FGD2: variants seen among roughly 807,000 people sequenced by gnomAD.
The protein encoded by FGD2 is FYVE, RhoGEF and PH domain-containing protein 2.
Under a neutral mutation model 75.9 loss-of-function variants are expected in FGD2, and 52 were observed. That is an observed-to-expected ratio of 0.69 (90% confidence interval 0.55 to 0.86). The LOEUF is 0.86. Among genes scored for constraint, FGD2 ranks in the 40% least tolerant of loss-of-function variants. The pLI, the probability that FGD2 is intolerant of heterozygous loss-of-function variation, is 0.00. For missense variants in FGD2, 790 were observed against 872.0 expected (o/e 0.91, Z 1.18); for synonymous variants, 347 against 348.6 (o/e 1.00, Z 0.05).
In FGD2 at chr6:37,015,839, C is replaced by T. The variant is rs750064863; in HGVS notation, c.1101C>T (p.Arg367=). Residue 367 remains arginine (R), a synonymous_variant, in exon 9 of 16, where the codon CGC becomes CGT. Coordinates refer to ENST00000274963, the MANE Select transcript of FGD2 (RefSeq NM_173558.4). ...GCGCCCAGTTCCAGGTGAGGACCCG[C>T]ATCGATGTGGCCGGGATGAAGGTAA... is the stretch of plus-strand genomic sequence containing the variant. ...QVGAQFQVRT[R]IDVAGMKVRE... 1.2e-5 allele frequency: 19 copies of T among 1,588,742 alleles called. No homozygotes were observed. The East Asian group carries it at 3.0e-4, about 25-fold the overall frequency.
Position 37,008,733 on chromosome 6 carries a change from C to T in FGD2, c.69-101C>T, listed in dbSNP as rs1764864408. ...AGCCAGGCACCCAGGGGCCCCTGCA[C>T]TGGGGATTTGCACCAGGCAACCCAA... On this transcript the variant is annotated intron_variant, in intron 1 of 15. Coordinates refer to ENST00000274963, the MANE Select transcript of FGD2 (RefSeq NM_173558.4). 7.7e-6 allele frequency: 9 copies of T among 1,176,326 alleles called. 1 individual carries two copies. In the South Asian group the frequency reaches 1.4e-4, roughly 18 times the overall value. The allele number at this position is 1,176,326 out of a possible 1,614,324, so 72.9% of individuals were successfully genotyped here. A position where few individuals can be genotyped will look rare whatever the true frequency, so the allele number is the denominator to read the frequency against.
At chr6:37,016,498 C>G (rs1239863533) in intron 9 of FGD2, among the ~76,000 whole-genome samples, 4 of 151,672 alleles carry the variant, frequency 2.6e-5, no homozygotes, top group African/African-American at 9.7e-5. Context: ...ATCCTCCTAA[C>G]AGCCCCATGA....
intron 14 of FGD2, among the ~76,000 whole-genome samples, chr6:37,026,669 C>G (rs1028925060): frequency 6.6e-6 from 1 of 152,146 alleles, no homozygotes; most frequent in Non-Finnish European, 1.5e-5. Flanking sequence ...GAGAAGGTCC[C>G]AGCCTGTGCC....
intron 2 of FGD2, chr6:37,009,749 C>G (rs1296741649): frequency 2.6e-5 from 4 of 152,220 alleles, no homozygotes; most frequent in Non-Finnish European, 4.4e-5. Flanking sequence ...TGCAGTAACT[C>G]ACGCCTGTAA....
chr6:37,013,501 C>A (rs1270374251), intron 4 of FGD2, 108 bp from the exon 5 acceptor site: 3 of 1,506,638 alleles, frequency 2.0e-6, no homozygotes, highest in African/African-American at 2.8e-5. Context: ...CCAGAATTGC[C>A]GTGGAAAGTT....
At position 37,019,850 on chromosome 6, in the gene FGD2, CTTTTCT is replaced by C. The variant is rs200594484; in HGVS notation, c.1123-686_1123-681del. ...GATTATTTTCTTCTTCTTTTCTTTT[CTTTTCT>C]TTTTTTTTTTTTTTGAGACAGAGTC... On this transcript the variant is annotated intron_variant, in intron 9 of 15. Coordinates refer to ENST00000274963, the MANE Select transcript of FGD2 (RefSeq NM_173558.4). Among the ~76,000 whole-genome samples the C allele has an allele frequency of 8.3e-5, 9 of 108,294 alleles. No individual in the cohort carries two copies. The East Asian group carries it at 3.0e-3, about 36-fold the overall frequency. The allele number at this position is 108,294 out of a possible 152,430, so 71.0% of individuals were successfully genotyped here.
intron 8 of FGD2, 45 bp downstream of exon 8, chr6:37,015,083 C>G (rs1010190359): frequency 6.3e-7 from 1 of 1,591,796 alleles, no homozygotes; most frequent in Admixed American, 1.7e-5. Flanking sequence ...GGAGGGAAGT[C>G]CATGGGCCAC....
chr6:37,026,290 G>A (rs989604970), intron 14 of FGD2: 192 of 985,418 alleles, frequency 1.9e-4, no homozygotes, highest in Admixed American at 3.7e-4. Context: ...TGGTGTCACC[G>A]CTTCCATTTT....
rs142937832 is a variant in FGD2, at chr6:37,014,956, C to T, written c.947C>T (p.Pro316Leu). 6.2e-7 allele frequency: 1 copy of T among 1,614,154 alleles called. No individual in the cohort carries two copies. Residue 316 changes from proline to leucine, a missense_variant, in exon 8 of 16, where the codon CCC becomes CTC. Transcript: ENST00000274963. The part of the protein sequence containing the change: ...RLGLEDDIVD[P>L]SNTLLREGPV... ...GGCCTCGAGGACGACATAGTAGACC[C>T]CTCTAACACCCTGCTCCGTGAGGGC...
chr6:37,012,481 G>A (rs1243239364), intron 4 of FGD2, among the ~76,000 whole-genome samples: 1 of 152,046 alleles, frequency 6.6e-6, no homozygotes, highest in East Asian at 1.9e-4. Context: ...GGAGGCCAAG[G>A]TGGGTGGATC....
intron 9 of FGD2, 89 bp from the exon 10 acceptor site, chr6:37,020,452 G>A: frequency 1.6e-6 from 2 of 1,264,008 alleles, no homozygotes; most frequent in Non-Finnish European, 1.1e-6. Flanking sequence ...TGTCCCTTGG[G>A]CACAATCCAC....
chr6:37,015,276 CAG>C (rs1765229105), intron 8 of FGD2, among the ~76,000 whole-genome samples: 1 of 152,190 alleles, frequency 6.6e-6, no homozygotes, highest in South Asian at 2.1e-4. Flanking sequence ...GCAACAGAGT[CAG>C]AGTTTGAACC....
intron 4 of FGD2, 45 bp from the exon 5 acceptor site, chr6:37,013,564 G>T (rs770503103): frequency 6.3e-7 from 1 of 1,593,802 alleles, no homozygotes; most frequent in South Asian, 1.1e-5. Flanking sequence ...CTAGAGTCGA[G>T]AGGAGGTCTC....
chr6:37,020,960 G>C (rs1162029520), intron 11 of FGD2, among the ~76,000 whole-genome samples: 1 of 150,758 alleles, frequency 6.6e-6, no homozygotes, highest in East Asian at 2.0e-4. Context: ...GTCTGTGTCT[G>C]TGTGTTTGTG....
chr6:37,005,771 T>C lies in FGD2; in HGVS notation c.-47T>C, dbSNP rs1381132090. 5 of 1,604,214 alleles carry C rather than the reference T, an allele frequency of 3.1e-6. No individual in the cohort carries two copies. The highest frequency in any genetic ancestry group is 4.3e-6 in the Non-Finnish European group (5 of 1,173,610). On this transcript the variant is annotated 5_prime_UTR_variant, in exon 1 of 16. Transcript: ENST00000274963. ...GCTGAGTGTGCTGGCTGGAGGCCTC[T>C]CTCTCTGCTTCGAGGGTAGCTGAGA...
At chr6:37,011,449 A>T (rs1765000530) in intron 3 of FGD2, 2 of 573,700 alleles carry the variant, frequency 3.5e-6, no homozygotes, top group East Asian at 6.0e-5. Flanking sequence ...AGACCTCCAC[A>T]GTTTGGGCCT....
At chr6:37,025,606 C>G in intron 13 of FGD2, 186 bp from the exon 14 acceptor site, 1 of 624,372 alleles carries the variant, frequency 1.6e-6, no homozygotes, top group Non-Finnish European at 2.8e-6. Flanking sequence ...TGTGTCGCAG[C>G]CTCCAGGCAG....
chr6:37,011,297 C>G (rs547903898), intron 3 of FGD2: 3 of 583,992 alleles, frequency 5.1e-6, no homozygotes, highest in Non-Finnish European at 9.2e-6. Flanking sequence ...CACCAGCTGG[C>G]CCTTGCTGGC....
chr6:37,020,962 GTGTT>G (rs1485325676), intron 11 of FGD2, among the ~76,000 whole-genome samples: 1 of 150,768 alleles, frequency 6.6e-6, no homozygotes, highest in African/African-American at 2.4e-5. Context: ...CTGTGTCTGT[GTGTT>G]TGTGTGTGTG....
Sources: allele counts gnomAD v4.1 joint callset (sites outside exome capture counted in the v4.1 genomes callset), GRCh38; gene constraint gnomAD v4.1.1; transcripts MANE v1.5; gene names NCBI Gene and HGNC (gene_info 2026-07-23, HGNC 2026-07-21).